The following NRXN3 variants were observed in gnomAD, a reference collection of about 807,000 sequenced individuals.
NRXN3 encodes the protein neurexin 3, also known as neurexin III.
In NRXN3, 32 loss-of-function variants were observed where a neutral mutation model predicts 137.6. The observed-to-expected ratio is 0.23, with a 90% CI of 0.18 to 0.31. The LOEUF is 0.31. Ranked by LOEUF, NRXN3 falls within the 10% of genes least tolerant of loss-of-function variation. The pLI is 1.00. For missense variants in NRXN3, 1,574 were observed against 2,062.5 expected, an observed-to-expected ratio of 0.76 and a Z score of 4.59; for synonymous variants, 798 against 784.5, an observed-to-expected ratio of 1.02 and a Z score of -0.29.
At chr14:78,333,748 C>G (rs2081116466) in intron 4 of NRXN3, among the ~76,000 whole-genome samples, 1 of 152,070 alleles carries the variant, frequency 6.6e-6, no homozygotes, top group South Asian at 2.1e-4. Flanking sequence ...ATTTTATAAG[C>G]CTTTGATGGC....
At chr14:79,806,057 T>C (rs907551763) in intron 20 of NRXN3, among the ~76,000 whole-genome samples, 7 of 152,348 alleles carry the variant, frequency 4.6e-5, no homozygotes, top group Non-Finnish European at 1.0e-4. Flanking sequence ...AACGTTTATA[T>C]GTATATAATA....
At chr14:78,987,158 CAA>C (rs1010944463) in intron 14 of NRXN3, among the ~76,000 whole-genome samples, 14 of 151,966 alleles carry the variant, frequency 9.2e-5, no homozygotes, top group Non-Finnish European at 1.5e-4. Context: ...TGCCTCCCTG[CAA>C]AAGTTTCTAA....
intron 10 of NRXN3, among the ~76,000 whole-genome samples, chr14:78,845,018 T>C (rs188723732): frequency 7.1e-4 from 108 of 152,180 alleles, no homozygotes; most frequent in South Asian, 1.2e-3. Context: ...TAATGAGTTT[T>C]AGTTTGAGTA....
chr14:78,919,807 A>G (rs578262663), intron 10 of NRXN3, among the ~76,000 whole-genome samples: 38 of 152,310 alleles, frequency 2.5e-4, no homozygotes, highest in Admixed American at 2.2e-3. Flanking sequence ...TAATCAATTG[A>G]CATTACACAA....
intron 15 of NRXN3, 182 bp downstream of exon 15, chr14:78,988,323 T>C: frequency 1.4e-6 from 1 of 715,926 alleles, no homozygotes; most frequent in Non-Finnish European, 2.4e-6. Flanking sequence ...TGTGTCTTGC[T>C]TAACAACACT....
At chr14:79,311,681 G>A (rs568481104) in intron 15 of NRXN3, among the ~76,000 whole-genome samples, 1,666 of 113,884 alleles carry the variant, frequency 0.015, 193 homozygotes, top group Non-Finnish European at 0.024. Flanking sequence ...ATGTGTCGAG[G>A]AATGTATCCA....
At chr14:79,819,213 A>G (rs1207314736) in intron 20 of NRXN3, among the ~76,000 whole-genome samples, 1 of 152,132 alleles carries the variant, frequency 6.6e-6, no homozygotes, top group African/African-American at 2.4e-5. Context: ...CAGCTCTTAT[A>G]ATGACACATA....
intron 15 of NRXN3, among the ~76,000 whole-genome samples, chr14:79,159,883 T>G (rs1165360926): frequency 6.6e-6 from 1 of 151,940 alleles, no homozygotes; most frequent in Non-Finnish European, 1.5e-5. Context: ...AATTTATGCA[T>G]TTTTTTCTTA....
chr14:79,415,023 G>T (rs2095476220), intron 15 of NRXN3, among the ~76,000 whole-genome samples: 1 of 151,920 alleles, frequency 6.6e-6, no homozygotes, highest in Admixed American at 6.6e-5. Context: ...CCATGTTTTT[G>T]CAAATATCAG....
chr14:79,317,756 A>G (rs1345027442), intron 15 of NRXN3, among the ~76,000 whole-genome samples: 1 of 152,192 alleles, frequency 6.6e-6, no homozygotes, highest in Non-Finnish European at 1.5e-5. Context: ...ACATCTATTT[A>G]TATTTATTTT....
intron 19 of NRXN3, among the ~76,000 whole-genome samples, chr14:79,787,047 C>G (rs77305702): frequency 0.018 from 2,732 of 152,172 alleles, 83 homozygotes; most frequent in African/African-American, 0.059. Context: ...AGAAATTGGT[C>G]CAAATGTTCA....
chr14:78,814,065 A>G (rs1447072072), intron 10 of NRXN3, among the ~76,000 whole-genome samples: 1 of 152,156 alleles, frequency 6.6e-6, no homozygotes, highest in Non-Finnish European at 1.5e-5. Flanking sequence ...CCTGCTTTCC[A>G]AATCCTCCAA....
intron 17 of NRXN3, among the ~76,000 whole-genome samples, chr14:79,666,816 C>T (rs2098559367): frequency 6.6e-6 from 1 of 152,036 alleles, no homozygotes; most frequent in Admixed American, 6.6e-5. Context: ...TTATTGGCAC[C>T]AGTGACCCCA....
intron 4 of NRXN3, among the ~76,000 whole-genome samples, chr14:78,409,136 A>C (rs1435026695): frequency 6.6e-6 from 1 of 152,250 alleles, no homozygotes; most frequent in Non-Finnish European, 1.5e-5. Flanking sequence ...TACAAAGAAA[A>C]GCAAGTCATA....
intron 15 of NRXN3, among the ~76,000 whole-genome samples, chr14:79,267,420 G>T (rs963029514): frequency 2.0e-5 from 3 of 150,272 alleles, no homozygotes; most frequent in Non-Finnish European, 3.0e-5. Flanking sequence ...GTGTAGTGGT[G>T]CAATCTTGGC....
chr14:79,390,684 G>T (rs1342142678), intron 15 of NRXN3, among the ~76,000 whole-genome samples: 1 of 152,146 alleles, frequency 6.6e-6, no homozygotes, highest in Admixed American at 6.5e-5. Flanking sequence ...AGCTTCTTGG[G>T]ATGTGGTGTA....
At chr14:78,660,403 C>T (rs1390374132) in intron 6 of NRXN3, among the ~76,000 whole-genome samples, 1 of 151,896 alleles carries the variant, frequency 6.6e-6, no homozygotes, top group Non-Finnish European at 1.5e-5. Context: ...GCATGTGATC[C>T]CTAAATCAAT....
intron 10 of NRXN3, among the ~76,000 whole-genome samples, chr14:78,854,789 G>A (rs1258081189): frequency 6.6e-6 from 1 of 152,038 alleles, no homozygotes; most frequent in Non-Finnish European, 1.5e-5. Context: ...AGAGATATAT[G>A]GGCTGGGCAC....
At chr14:78,651,548 G>A (rs528078709) in intron 6 of NRXN3, among the ~76,000 whole-genome samples, 129 of 152,250 alleles carry the variant, frequency 8.5e-4, no homozygotes, top group African/African-American at 2.9e-3. Flanking sequence ...TAGTCTGTTT[G>A]CATGCTGCTG....
Sources: allele counts gnomAD v4.1 joint callset (sites outside exome capture counted in the v4.1 genomes callset), GRCh38; gene constraint gnomAD v4.1.1; transcripts MANE v1.5; gene names NCBI Gene and HGNC (gene_info 2026-07-23, HGNC 2026-07-21).